The following KCNH8 variants were observed in gnomAD, a reference collection of about 807,000 sequenced individuals.
KCNH8 encodes voltage-gated delayed rectifier potassium channel KCNH8.
KCNH8 carries 70 observed loss-of-function variants against 103.6 expected under a neutral mutation model. The observed-to-expected ratio is 0.68, with a 90% CI of 0.56 to 0.82. The LOEUF (loss-of-function observed/expected upper bound fraction) is 0.82, where lower values mean the gene tolerates loss of function less well. Among genes scored for constraint, KCNH8 ranks in the 40% least tolerant of loss-of-function variants. The pLI is 0.00. For missense variants in KCNH8, 1,217 were observed against 1,329.9 expected, an observed-to-expected ratio of 0.92 and a Z score of 1.32; for synonymous variants, 498 against 489.4, an observed-to-expected ratio of 1.02 and a Z score of -0.23.
At chr3:19,170,941 A>G (rs1333826646) in intron 1 of KCNH8, among the ~76,000 whole-genome samples, 1 of 151,342 alleles carries the variant, frequency 6.6e-6, no homozygotes, top group East Asian at 1.9e-4. Flanking sequence ...CCTCCCGAGC[A>G]GCTGGGACTA....
At chr3:19,507,405 G>T (rs776518488) in intron 11 of KCNH8, among the ~76,000 whole-genome samples, 1 of 152,220 alleles carries the variant, frequency 6.6e-6, no homozygotes, top group African/African-American at 2.4e-5. Flanking sequence ...CCTGCCTCAT[G>T]AAGAGTGGGG....
chr3:19,290,972 G>A (rs1321190295), intron 3 of KCNH8, among the ~76,000 whole-genome samples: 1 of 152,172 alleles, frequency 6.6e-6, no homozygotes, highest in Non-Finnish European at 1.5e-5. Context: ...TTAGTTTTGG[G>A]AGAGTGTATG....
chr3:19,257,935 C>G (rs947944464), intron 2 of KCNH8, among the ~76,000 whole-genome samples: 1 of 151,988 alleles, frequency 6.6e-6, no homozygotes, highest in Non-Finnish European at 1.5e-5. Flanking sequence ...TTGCTGGAAA[C>G]CTTTGGTGAT....
chr3:19,448,906 T>C (rs1325475861), intron 8 of KCNH8: 29 of 1,084,172 alleles, frequency 2.7e-5, no homozygotes, highest in Non-Finnish European at 2.7e-5. Context: ...ATGAACGTGC[T>C]TGACCCTCAT....
intron 11 of KCNH8, among the ~76,000 whole-genome samples, chr3:19,460,325 C>T (rs958300406): frequency 6.6e-6 from 1 of 152,164 alleles, no homozygotes; most frequent in Non-Finnish European, 1.5e-5. Context: ...CCCAACACCA[C>T]GTGACTGCTG....
intron 8 of KCNH8, among the ~76,000 whole-genome samples, chr3:19,439,745 T>A (rs796748954): frequency 1.2e-4 from 19 of 152,008 alleles, no homozygotes; most frequent in Admixed American, 5.9e-4. Flanking sequence ...AAAGATATAA[T>A]AACAGAGGTT....
chr3:19,307,216 A>G lies in KCNH8; in HGVS notation c.442+25887A>G, dbSNP rs75898932. On this transcript the variant is annotated intron_variant, in intron 3 of 15. Coordinates refer to ENST00000328405, the MANE Select transcript of KCNH8 (RefSeq NM_144633.3). ...TCTCAACAGCAAAACAAAAGAAAAA[A>G]AAAGCAATCCAATTTATAAATGGGC... Among the ~76,000 whole-genome samples, 374 of 152,142 alleles carry G rather than the reference A, an allele frequency of 2.5e-3. 2 individuals are homozygous for G. Among genetic ancestry groups the G allele is most frequent in the Non-Finnish European group, 4.0e-3 (274 of 67,968 alleles).
intron 11 of KCNH8, among the ~76,000 whole-genome samples, chr3:19,470,792 G>T (rs1421279966): frequency 6.6e-6 from 1 of 152,190 alleles, no homozygotes. Context: ...ATTATAGTTT[G>T]TCTCCATGCA....
intron 9 of KCNH8, 84 bp downstream of exon 9, chr3:19,450,389 A>G: frequency 9.5e-7 from 1 of 1,052,318 alleles, no homozygotes; most frequent in Non-Finnish European, 1.5e-6. Context: ...AGGTATCAGA[A>G]GTGAAAAGCA....
chr3:19,501,017 G>A (rs1353850105), intron 11 of KCNH8, among the ~76,000 whole-genome samples: 1 of 151,952 alleles, frequency 6.6e-6, no homozygotes, highest in Non-Finnish European at 1.5e-5. Flanking sequence ...CAACAAAATT[G>A]ACAGACCACT....
chr3:19,414,567 G>A (rs796945202), intron 7 of KCNH8, among the ~76,000 whole-genome samples: 5 of 151,260 alleles, frequency 3.3e-5, no homozygotes, highest in Non-Finnish European at 7.4e-5. Context: ...TTCTTATTTG[G>A]GATAAAAAAG....
intron 7 of KCNH8, among the ~76,000 whole-genome samples, chr3:19,422,447 G>A (rs751849364): frequency 3.9e-5 from 6 of 152,022 alleles, no homozygotes; most frequent in Non-Finnish European, 8.8e-5. Context: ...TGTGCCAGAT[G>A]TTTTACAAAA....
intron 2 of KCNH8, among the ~76,000 whole-genome samples, chr3:19,276,704 A>G (rs2064678068): frequency 6.6e-5 from 10 of 152,120 alleles, no homozygotes; most frequent in Admixed American, 6.6e-4. Flanking sequence ...CTATTGACAA[A>G]TATATTTTAG....
intron 5 of KCNH8, among the ~76,000 whole-genome samples, chr3:19,375,393 T>C (rs201411960): frequency 0.072 from 10,697 of 149,508 alleles, 416 homozygotes; most frequent in East Asian, 0.17. Context: ...TCCAGTTGAT[T>C]GCATCGGCTC....
intron 1 of KCNH8, among the ~76,000 whole-genome samples, chr3:19,201,630 A>G (rs2063664263): frequency 6.6e-6 from 1 of 152,008 alleles, no homozygotes; most frequent in Non-Finnish European, 1.5e-5. Context: ...TGAATGCCCT[A>G]TTTAAATCTG....
intron 11 of KCNH8, among the ~76,000 whole-genome samples, chr3:19,471,552 C>T (rs1208731578): frequency 6.6e-6 from 1 of 152,170 alleles, no homozygotes; most frequent in Non-Finnish European, 1.5e-5. Context: ...ATAGTAGCTC[C>T]TAGGAGCCAA....
chr3:19,319,656 C>G (rs1575524144), intron 3 of KCNH8, among the ~76,000 whole-genome samples: 2 of 151,690 alleles, frequency 1.3e-5, no homozygotes, highest in Non-Finnish European at 1.5e-5. Context: ...AGGCTCTTTA[C>G]TTGGTTCCAT....
intron 2 of KCNH8, among the ~76,000 whole-genome samples, chr3:19,267,840 ATTAAC>A (rs771406188): frequency 5.9e-5 from 9 of 152,246 alleles, no homozygotes; most frequent in Non-Finnish European, 1.2e-4. Flanking sequence ...ATTTTGAGCA[ATTAAC>A]TTCAACTTCC....
chr3:19,346,718 A>G (rs1251050508), intron 4 of KCNH8: 1 of 456,058 alleles, frequency 2.2e-6, no homozygotes, highest in Non-Finnish European at 4.4e-6. Context: ...ACAAGAACAC[A>G]ACATTGTGAC....
Sources: gnomAD v4.1 joint callset for allele counts (sites outside exome capture counted in the v4.1 genomes callset) on GRCh38, gnomAD v4.1.1 for gene constraint, MANE v1.5 for transcripts, NCBI Gene and HGNC (gene_info 2026-07-23, HGNC 2026-07-21) for gene names.